EXT1: variants seen among roughly 807,000 people sequenced by gnomAD.
EXT1 encodes exostosin-1.
A neutral mutation model predicts 82.5 loss-of-function variants in EXT1; 20 were observed. The observed-to-expected ratio is 0.24, with a 90% CI of 0.17 to 0.35. The LOEUF (loss-of-function observed/expected upper bound fraction) is 0.35, where lower values mean the gene tolerates loss of function less well. Among genes scored for constraint, EXT1 ranks in the 10% least tolerant of loss-of-function variants. EXT1 has a pLI of 1.00. For missense variants in EXT1, 757 were observed against 936.5 expected (o/e 0.81, Z 2.50); for synonymous variants, 348 against 350.8 (o/e 0.99, Z 0.09).
At chr8:117,892,066 A>T (rs965877321) in intron 1 of EXT1, among the ~76,000 whole-genome samples, 3 of 152,038 alleles carry the variant, frequency 2.0e-5, no homozygotes, top group African/African-American at 7.2e-5. Context: ...CGGCCTCCCA[A>T]AGTGCTGGGA....
chr8:117,824,458 G>A (rs1424975999), intron 4 of EXT1, among the ~76,000 whole-genome samples: 1 of 152,182 alleles, frequency 6.6e-6, no homozygotes, highest in Non-Finnish European at 1.5e-5. Flanking sequence ...AGGTACGAAA[G>A]CAGTAGCAAA....
chr8:117,915,504 T>A (rs1813730719), intron 1 of EXT1, among the ~76,000 whole-genome samples: 1 of 152,214 alleles, frequency 6.6e-6, no homozygotes. Flanking sequence ...AATTTTTCAT[T>A]CTTATAAAAA....
At chr8:117,965,191 G>GAA (rs1266320872) in intron 1 of EXT1, among the ~76,000 whole-genome samples, 1 of 151,976 alleles carries the variant, frequency 6.6e-6, no homozygotes, top group Non-Finnish European at 1.5e-5. Context: ...TCTGGAACTT[G>GAA]AAAATAAAGA....
intron 1 of EXT1, among the ~76,000 whole-genome samples, chr8:118,090,398 C>T (rs1310797422): frequency 2.0e-5 from 3 of 151,630 alleles, no homozygotes; most frequent in African/African-American, 7.3e-5. Context: ...CCAGCCTGGG[C>T]AACAGAGCAA....
At chr8:118,043,305 T>C (rs1816564787) in intron 1 of EXT1, among the ~76,000 whole-genome samples, 1 of 152,250 alleles carries the variant, frequency 6.6e-6, no homozygotes, top group South Asian at 2.1e-4. Context: ...CAGTGCCCTA[T>C]TTTTAAAACG....
chr8:117,870,127 C>G (rs1812843812), intron 1 of EXT1, among the ~76,000 whole-genome samples: 2 of 152,142 alleles, frequency 1.3e-5, no homozygotes, highest in Non-Finnish European at 2.9e-5. Context: ...AATGAAAAAA[C>G]TTCATCTAAA....
chr8:117,818,025 A>C (rs1563569823), intron 7 of EXT1, among the ~76,000 whole-genome samples: 1 of 152,228 alleles, frequency 6.6e-6, no homozygotes, highest in Non-Finnish European at 1.5e-5. Context: ...GACATAGCTC[A>C]TTCAGATTAA....
intron 1 of EXT1, among the ~76,000 whole-genome samples, chr8:117,886,998 G>A (rs1473416231): frequency 6.6e-6 from 1 of 152,182 alleles, no homozygotes; most frequent in Non-Finnish European, 1.5e-5. Flanking sequence ...TGATCTTTCT[G>A]TACCTTAATA....
intron 1 of EXT1, among the ~76,000 whole-genome samples, chr8:117,858,866 AAAGAAAGAAAGAAAGAAAGAAAG>A: frequency 1.4e-5 from 1 of 71,106 alleles, no homozygotes; most frequent in African/African-American, 4.3e-5. Context: ...AGAAAGAAAG[AAAGAAAGAAAGAAAGAAAGAAAG>A]AAAGAAAGAA....
intron 1 of EXT1, among the ~76,000 whole-genome samples, chr8:117,937,613 T>G (rs934221289): frequency 6.6e-6 from 1 of 152,232 alleles, no homozygotes; most frequent in African/African-American, 2.4e-5. Context: ...TGTCAAACGG[T>G]TTCCTTATTA....
intron 1 of EXT1, among the ~76,000 whole-genome samples, chr8:117,925,945 A>T (rs969904550): frequency 2.6e-5 from 4 of 152,048 alleles, no homozygotes; most frequent in African/African-American, 9.7e-5. Flanking sequence ...TTCATCCCTC[A>T]TATCCTGCAA....
intron 1 of EXT1, among the ~76,000 whole-genome samples, chr8:118,000,900 C>G (rs1422250017): frequency 6.6e-6 from 1 of 152,084 alleles, no homozygotes; most frequent in Non-Finnish European, 1.5e-5. Flanking sequence ...CCAGTCTTCA[C>G]AATTAAAACT....
At chr8:118,105,153 A>G (rs1470202751) in intron 1 of EXT1, among the ~76,000 whole-genome samples, 1 of 152,184 alleles carries the variant, frequency 6.6e-6, no homozygotes, top group East Asian at 1.9e-4. Context: ...TACCAAGCAC[A>G]ACTTCTGCTG....
chr8:118,037,673 C>T (rs1472981694), intron 1 of EXT1, among the ~76,000 whole-genome samples: 4 of 152,070 alleles, frequency 2.6e-5, no homozygotes, highest in Admixed American at 6.5e-5. Flanking sequence ...TAGGCAAAAT[C>T]AAATATAAAG....
intron 1 of EXT1, among the ~76,000 whole-genome samples, chr8:118,044,907 C>T (rs957352872): frequency 2.0e-5 from 3 of 152,200 alleles, no homozygotes; most frequent in African/African-American, 2.4e-5. Flanking sequence ...CTCTTACAAG[C>T]GTTGACTAGC....
chr8:117,795,720 C>T lies in EXT1; in HGVS notation c.*3992G>A, dbSNP rs4876755. The T allele has an allele frequency of 0.045, 6,812 of 151,688 alleles. 189 individuals carry two copies. The highest frequency in any genetic ancestry group is 0.067 in the African/African-American group (2,773 of 41,332). The allele number at this position is 151,688 out of a possible 1,614,324, so 9.4% of individuals were successfully genotyped here. A position where few individuals can be genotyped will look rare whatever the true frequency, so the allele number is the denominator to read the frequency against. On this transcript the variant is annotated 3_prime_UTR_variant, in exon 11 of 11. Coordinates refer to ENST00000378204, the MANE Select transcript of EXT1 (RefSeq NM_000127.3). The stretch of plus-strand genomic sequence containing the variant: ...GGTGAGGCAGGAGAATTGCTTGAAC[C>T]GGGGAGGCGGAGGTTGCAGTGACTG...
chr8:118,053,670 A>G (rs533711455), intron 1 of EXT1, among the ~76,000 whole-genome samples: 6 of 152,298 alleles, frequency 3.9e-5, no homozygotes, highest in African/African-American at 1.2e-4. Flanking sequence ...CTCAGTTACA[A>G]TTTAACTTAC....
At chr8:117,973,560 G>A (rs113616941) in intron 1 of EXT1, among the ~76,000 whole-genome samples, 22 of 152,164 alleles carry the variant, frequency 1.4e-4, no homozygotes, top group Non-Finnish European at 2.8e-4. Context: ...CATGAGCCTA[G>A]GAGTTCAAGA....
chr8:117,914,810 C>G (rs763511244), intron 1 of EXT1, among the ~76,000 whole-genome samples: 1 of 152,292 alleles, frequency 6.6e-6, no homozygotes, highest in African/African-American at 2.4e-5. Flanking sequence ...CAAGACAATA[C>G]GTGCACCGCT....
Sources: allele counts gnomAD v4.1 joint callset (sites outside exome capture counted in the v4.1 genomes callset), GRCh38; gene constraint gnomAD v4.1.1; transcripts MANE v1.5; gene names NCBI Gene and HGNC (gene_info 2026-07-23, HGNC 2026-07-21).